Variants in TBC1D22A observed in about 807,000 individuals in gnomAD.
TBC1D22A encodes TBC1 domain family member 22A, also known as putative GTPase activator.
TBC1D22A carries 38 observed loss-of-function variants against 60.2 expected under a neutral mutation model. The ratio of observed to expected loss-of-function variants is 0.63; its 90% CI spans 0.49 to 0.83. The LOEUF is 0.83. TBC1D22A is among the 40% of genes least tolerant of loss of function. The pLI is 0.00. For missense variants in TBC1D22A, 628 were observed against 701.0 expected (o/e 0.90, Z 1.18); for synonymous variants, 302 against 281.7 (o/e 1.07, Z -0.72).
intron 7 of TBC1D22A, among the ~76,000 whole-genome samples, 168 bp downstream of exon 7, chr22:46,895,014 A>T (rs998050578): frequency 6.6e-6 from 1 of 152,174 alleles, no homozygotes; most frequent in African/African-American, 2.4e-5. Flanking sequence ...CAGGACTTCT[A>T]TTTGTTCTTT....
At chr22:47,079,506 G>A (rs777009503) in intron 11 of TBC1D22A, among the ~76,000 whole-genome samples, 7 of 152,216 alleles carry the variant, frequency 4.6e-5, no homozygotes, top group Non-Finnish European at 8.8e-5. Flanking sequence ...ATAGCACAGG[G>A]AAGGGGTAAA....
intron 4 of TBC1D22A, among the ~76,000 whole-genome samples, chr22:46,864,096 C>T (rs1345425066): frequency 6.6e-6 from 1 of 152,216 alleles, no homozygotes; most frequent in Non-Finnish European, 1.5e-5. Context: ...CCTCCACGTG[C>T]ATATTCCTTC....
Position 46,777,858 on chromosome 22 carries a change from G to T in TBC1D22A, c.63-14662G>T, listed in dbSNP as rs548680340. Among the ~76,000 whole-genome samples, 120 of 152,366 alleles carry T rather than the reference G, an allele frequency of 7.9e-4. No homozygotes were observed. Among genetic ancestry groups the T allele is most frequent in the African/African-American group, 2.6e-3 (110 of 41,584 alleles). On this transcript the variant is annotated intron_variant, in intron 1 of 12. Transcript: ENST00000337137. This position sits in a 1 kb window ranked among gnomAD's most constrained non-coding sequence, Gnocchi z 4.5. ...TGTGTCCTTAGGTGATTTGGTCCCT[G>T]TGTGAACATCACAGAGCACATTTAT...
chr22:46,861,118 G>T (rs2087857798), intron 4 of TBC1D22A, among the ~76,000 whole-genome samples: 1 of 151,936 alleles, frequency 6.6e-6, no homozygotes, highest in Non-Finnish European at 1.5e-5. Flanking sequence ...ACTATGCCTG[G>T]GGTTAATTTT....
chr22:47,061,025 C>T (rs1450468288), intron 11 of TBC1D22A, among the ~76,000 whole-genome samples: 6 of 152,168 alleles, frequency 3.9e-5, no homozygotes, highest in Admixed American at 2.0e-4. Context: ...CGCATGCGAC[C>T]TCCTGGAAAG....
intron 4 of TBC1D22A, among the ~76,000 whole-genome samples, chr22:46,846,008 A>C (rs767505185): frequency 6.6e-6 from 1 of 152,216 alleles, no homozygotes; most frequent in African/African-American, 2.4e-5. Context: ...GCTTAGGGGT[A>C]AAAAAATTCT....
chr22:46,885,165 G>T (rs1341359428), intron 5 of TBC1D22A, among the ~76,000 whole-genome samples: 1 of 152,192 alleles, frequency 6.6e-6, no homozygotes, highest in East Asian at 1.9e-4. Flanking sequence ...AGCAGCGGGT[G>T]GGAGAGTGGC....
chr22:46,895,836 T>C (rs889738463), intron 7 of TBC1D22A, among the ~76,000 whole-genome samples: 1 of 152,222 alleles, frequency 6.6e-6, no homozygotes, highest in African/African-American at 2.4e-5. Context: ...TTCACGTACA[T>C]TTATGCAGGT....
chr22:47,120,815 T>G (rs1315603995), intron 12 of TBC1D22A, among the ~76,000 whole-genome samples: 1 of 152,238 alleles, frequency 6.6e-6, no homozygotes, highest in Non-Finnish European at 1.5e-5. Context: ...GTTACTTTAC[T>G]TTTATGTCTG....
intron 10 of TBC1D22A, among the ~76,000 whole-genome samples, chr22:47,025,042 A>G (rs914420974): frequency 6.6e-6 from 1 of 152,244 alleles, no homozygotes; most frequent in African/African-American, 2.4e-5. Context: ...CATATGATAG[A>G]GTGGGTCAGT....
At chr22:47,040,869 C>T (rs943633006) in intron 11 of TBC1D22A, among the ~76,000 whole-genome samples, 6 of 152,112 alleles carry the variant, frequency 3.9e-5, no homozygotes, top group South Asian at 2.1e-4. Flanking sequence ...GCAGCCAAGC[C>T]GGCCTCCTGG....
intron 4 of TBC1D22A, among the ~76,000 whole-genome samples, chr22:46,810,858 C>G (rs972407841): frequency 6.6e-6 from 1 of 152,212 alleles, no homozygotes. Flanking sequence ...AACTCAGATT[C>G]CTCCTGGGAG....
chr22:47,037,018 T>A lies in TBC1D22A; in HGVS notation c.1202-53T>A, dbSNP rs199673967. The A allele has an allele frequency of 2.2e-4, 356 of 1,606,308 alleles. 1 individual carries two copies. Among genetic ancestry groups the A allele is most frequent in the Non-Finnish European group, 2.7e-4 (322 of 1,175,534 alleles). On this transcript the variant is annotated intron_variant, in intron 10 of 12. Transcript: ENST00000337137. ...GGGGGACAAGTGACCTGGCTGCCAG[T>A]GCCTCCATAGGGCTCCCCTGACAGC...
At chr22:46,788,380 A>G (rs1316434646) in intron 1 of TBC1D22A, among the ~76,000 whole-genome samples, 1 of 152,256 alleles carries the variant, frequency 6.6e-6, no homozygotes, top group Non-Finnish European at 1.5e-5. Context: ...TCTGTTAGCT[A>G]CTACTATTAT....
intron 10 of TBC1D22A, among the ~76,000 whole-genome samples, chr22:47,024,834 G>A (rs534529511): frequency 2.6e-5 from 4 of 152,100 alleles, no homozygotes; most frequent in African/African-American, 9.6e-5. Flanking sequence ...GGGTGACAGA[G>A]CAACACCCTG....
At chr22:46,941,852 A>AATATGTATAGAAT (rs1555960519) in intron 8 of TBC1D22A, among the ~76,000 whole-genome samples, 80 of 147,412 alleles carry the variant, frequency 5.4e-4, no homozygotes, top group Non-Finnish European at 1.0e-3. Flanking sequence ...ATATGTATAG[A>AATATGTATAGAAT]ATATGTATAG....
At chr22:46,881,153 G>A (rs1371860535) in intron 5 of TBC1D22A, among the ~76,000 whole-genome samples, 2 of 152,108 alleles carry the variant, frequency 1.3e-5, no homozygotes, top group African/African-American at 2.4e-5. Context: ...CCACCCCATT[G>A]CTTGGGTTTT....
At chr22:46,993,930 G>A (rs1393486686) in intron 9 of TBC1D22A, among the ~76,000 whole-genome samples, 1 of 152,208 alleles carries the variant, frequency 6.6e-6, no homozygotes, top group Non-Finnish European at 1.5e-5. Flanking sequence ...TCTTAGCCTT[G>A]GCGCCTCGCC....
chr22:46,970,670 G>A (rs185688117), intron 8 of TBC1D22A, among the ~76,000 whole-genome samples: 21 of 152,344 alleles, frequency 1.4e-4, no homozygotes, highest in African/African-American at 4.1e-4. Context: ...AGTGTGTACC[G>A]TTGAGTGGGA....
Sources: gnomAD v4.1 joint callset for allele counts (sites outside exome capture counted in the v4.1 genomes callset) on GRCh38, gnomAD v4.1.1 for gene constraint, Gnocchi (gnomAD v3.1) non-coding constraint, MANE v1.5 for transcripts, NCBI Gene and HGNC (gene_info 2026-07-23, HGNC 2026-07-21) for gene names.